The following GOSR1 variants were observed in gnomAD, a reference collection of about 807,000 sequenced individuals.
The protein encoded by GOSR1 is golgi SNAP receptor complex member 1, also known as 28 kDa Golgi SNARE protein.
In GOSR1, 21 loss-of-function variants were observed where a neutral mutation model predicts 35.5. The ratio of observed to expected loss-of-function variants is 0.59; its 90% CI spans 0.42 to 0.85. GOSR1 has a LOEUF of 0.85. Among genes scored for constraint, GOSR1 ranks in the 40% least tolerant of loss-of-function variants. The pLI, the probability that GOSR1 is intolerant of heterozygous loss-of-function variation, is 0.00. For missense variants in GOSR1, 285 were observed against 309.6 expected (o/e 0.92, Z 0.60); for synonymous variants, 94 against 106.6 (o/e 0.88, Z 0.73).
rs1392078517 is a variant in GOSR1, at chr17:30,523,118, A to C, written c.*740A>C. 5.3e-6 allele frequency: 1 copy of C among 188,580 alleles called. No individual in the cohort carries two copies. The highest frequency in any genetic ancestry group is 1.1e-5 in the Non-Finnish European group (1 of 92,708). The allele number at this position is 188,580 out of a possible 1,614,324, so 11.7% of individuals were successfully genotyped here. A position where few individuals can be genotyped will look rare whatever the true frequency, so the allele number is the denominator to read the frequency against. ...TCCCAGCCACCTGCCTTGGCCTCCC[A>C]AAGTGCCGAGATTGCAGCCTCTGCC... is the stretch of plus-strand genomic sequence containing the variant. On this transcript the variant is annotated 3_prime_UTR_variant, in exon 9 of 9. Transcript: ENST00000451249.
Position 30,523,609 on chromosome 17 carries a change from G to T in GOSR1, c.*1231G>T, listed in dbSNP as rs868661417. ...AGCCCCCCGCCCGGCCAGCCGCCCC[G>T]TCCGGGAGGGAGGTGGGGGGCGCCT... On this transcript the variant is annotated 3_prime_UTR_variant, in exon 9 of 9. Transcript: ENST00000451249. 1 of 153,124 alleles carries T rather than the reference G, an allele frequency of 6.5e-6. No homozygotes were observed. The highest frequency in any genetic ancestry group is 2.5e-5 in the African/African-American group (1 of 39,354). The allele number at this position is 153,124 out of a possible 1,614,324, so 9.5% of individuals were successfully genotyped here. A position where few individuals can be genotyped will look rare whatever the true frequency, so the allele number is the denominator to read the frequency against.
At position 30,484,318 on chromosome 17, in the gene GOSR1, A is replaced by G. The variant is rs372839045; in HGVS notation, c.234+17A>G. ...TTGGCAAGGGTAAGTGCTTTCTGTT[A>G]AATGGCTATTTTGCAAATAACTGTA... On this transcript the variant is annotated intron_variant, in intron 3 of 8. Coordinates refer to ENST00000451249, the MANE Select transcript of GOSR1 (RefSeq NM_001007025.2). 66 of 1,406,544 alleles carry G rather than the reference A, an allele frequency of 4.7e-5. No individual in the cohort carries two copies. The African/African-American group carries it at 7.6e-4, about 16-fold the overall frequency. 87.1% of individuals were successfully genotyped at this position (1,406,544 alleles called of 1,614,324 possible).
chr17:30,484,540 GTTTTGT>G, intron 3 of GOSR1, 117 bp from the exon 4 acceptor site: 1 of 13,792 alleles, frequency 7.3e-5, no homozygotes, highest in Non-Finnish European at 1.3e-4. Context: ...TTTGTTTTTT[GTTTTGT>G]TTTGTTTTGT....
chr17:30,484,168 G>A lies in GOSR1; in HGVS notation c.147-46G>A, dbSNP rs1192324601. On this transcript the variant is annotated intron_variant, in intron 2 of 8. Transcript: ENST00000451249. Reference sequence around the variant, plus strand: ...CTTATTATTTTAAGTATGTTTTAAAGGACTGATTTGAGTAATGGATCCTCT... The same window carrying A: ...CTTATTATTTTAAGTATGTTTTAAAAGACTGATTTGAGTAATGGATCCTCT... 12 of 928,428 alleles carry A rather than the reference G, an allele frequency of 1.3e-5. No homozygotes were observed. The East Asian group carries it at 2.6e-4, about 20-fold the overall frequency. The allele number at this position is 928,428 out of a possible 1,614,324, so 57.5% of individuals were successfully genotyped here. A position where few individuals can be genotyped will look rare whatever the true frequency, so the allele number is the denominator to read the frequency against.
intron 6 of GOSR1, among the ~76,000 whole-genome samples, chr17:30,506,097 T>A (rs1003735519): frequency 6.6e-6 from 1 of 152,172 alleles, no homozygotes; most frequent in Non-Finnish European, 1.5e-5. Flanking sequence ...GGCCCCTCTC[T>A]ATTACCTGAC....
chr17:30,521,167 CTTTTTTTTTTTTTTTTT>C (rs71360748), intron 8 of GOSR1, among the ~76,000 whole-genome samples: 5 of 64,208 alleles, frequency 7.8e-5, no homozygotes, highest in African/African-American at 2.3e-4. Flanking sequence ...TTCTCTCTCT[CTTTTTTTTTTTTTTTTT>C]TTTTTTTTTT....
chr17:30,483,315 G>A (rs928940031), intron 2 of GOSR1, among the ~76,000 whole-genome samples: 1 of 152,126 alleles, frequency 6.6e-6, no homozygotes, highest in African/African-American at 2.4e-5. Flanking sequence ...ATAACCAGTA[G>A]TAGAGATTGC....
chr17:30,496,219 T>C (rs1204901213), intron 6 of GOSR1, among the ~76,000 whole-genome samples: 3 of 152,212 alleles, frequency 2.0e-5, no homozygotes, highest in Non-Finnish European at 2.9e-5. Context: ...AGTATTTGAC[T>C]CTTCAGCCAT....
At chr17:30,497,560 A>T (rs1338526934) in intron 6 of GOSR1, among the ~76,000 whole-genome samples, 1 of 152,238 alleles carries the variant, frequency 6.6e-6, no homozygotes, top group African/African-American at 2.4e-5. Flanking sequence ...ATGTTAACCT[A>T]TTACAGAGCT....
chr17:30,481,404 T>A, intron 2 of GOSR1, 147 bp downstream of exon 2: 1 of 514,376 alleles, frequency 1.9e-6, no homozygotes, highest in South Asian at 3.0e-5. Context: ...TATTTTTTAG[T>A]GACTTATTAA....
At chr17:30,516,727 T>C (rs1180501016) in intron 7 of GOSR1, among the ~76,000 whole-genome samples, 1 of 152,166 alleles carries the variant, frequency 6.6e-6, no homozygotes, top group African/African-American at 2.4e-5. Context: ...TGTTTTGTTT[T>C]GTTTGAGACT....
intron 4 of GOSR1, among the ~76,000 whole-genome samples, chr17:30,486,877 C>T (rs1914716835): frequency 1.3e-5 from 2 of 152,228 alleles, no homozygotes; most frequent in South Asian, 2.1e-4. Context: ...GGAAGACTTT[C>T]GTCTAAATTG....
chr17:30,506,533 G>T (rs753582847), intron 6 of GOSR1, among the ~76,000 whole-genome samples: 5 of 152,224 alleles, frequency 3.3e-5, no homozygotes, highest in Non-Finnish European at 7.3e-5. Context: ...ATTAACAGAG[G>T]TTGGTTCATG....
intron 6 of GOSR1, among the ~76,000 whole-genome samples, chr17:30,503,323 TC>T (rs1436784463): frequency 1.3e-5 from 2 of 152,218 alleles, no homozygotes; most frequent in Admixed American, 6.5e-5. Flanking sequence ...CTTTAGTGAT[TC>T]CTCAGCACGA....
intron 2 of GOSR1, among the ~76,000 whole-genome samples, chr17:30,483,294 A>G (rs948937381): frequency 6.6e-6 from 1 of 152,188 alleles, no homozygotes; most frequent in East Asian, 1.9e-4. Context: ...TATGAATACA[A>G]TGAGTATAGA....
intron 6 of GOSR1, among the ~76,000 whole-genome samples, chr17:30,493,921 C>T (rs1299527136): frequency 2.0e-5 from 3 of 151,924 alleles, no homozygotes; most frequent in South Asian, 2.1e-4. Flanking sequence ...TGTGTGTATC[C>T]GTCATGATTT....
At chr17:30,485,140 G>C (rs548735602) in intron 4 of GOSR1, 2 of 317,290 alleles carry the variant, frequency 6.3e-6, no homozygotes, top group Non-Finnish European at 1.2e-5. Context: ...TATGGAGGGG[G>C]AATTATTTAC....
chr17:30,505,478 C>T (rs1460443561), intron 6 of GOSR1, among the ~76,000 whole-genome samples: 3 of 152,170 alleles, frequency 2.0e-5, no homozygotes, highest in African/African-American at 7.2e-5. Flanking sequence ...TTGCACTTTA[C>T]AGATACTATT....
chr17:30,513,879 G>A (rs1343948493), intron 7 of GOSR1, among the ~76,000 whole-genome samples: 5 of 152,182 alleles, frequency 3.3e-5, no homozygotes, highest in African/African-American at 1.2e-4. Context: ...CACCCATGAG[G>A]TCAAGGCTGC....
Sources: gnomAD v4.1 joint callset for allele counts (sites outside exome capture counted in the v4.1 genomes callset) on GRCh38, gnomAD v4.1.1 for gene constraint, MANE v1.5 for transcripts, NCBI Gene and HGNC (gene_info 2026-07-23, HGNC 2026-07-21) for gene names.